Variants in PABPC4L observed in about 807,000 individuals in gnomAD.
PABPC4L encodes poly(A) binding protein cytoplasmic 4 like.
For synonymous variants in PABPC4L, 169 were observed against 164.1 expected, an observed-to-expected ratio of 1.03 and a Z score of -0.23; for missense variants, 452 against 451.4, an observed-to-expected ratio of 1.00 and a Z score of -0.01.
the PABPC4L span, among the ~76,000 whole-genome samples, chr4:134,079,075 G>T: frequency 2.8e-4 from 40 of 143,956 alleles, no homozygotes; most frequent in Non-Finnish European, 5.0e-4. Flanking sequence ...GTGTTCAAGC[G>T]ATTCTTCTGC....
At chr4:134,079,994 AT>A in the PABPC4L span, among the ~76,000 whole-genome samples, 12 of 151,986 alleles carry the variant, frequency 7.9e-5, no homozygotes, top group Admixed American at 2.6e-4. Context: ...TTTTATTTCT[AT>A]TTTTTTATTA....
the PABPC4L span, among the ~76,000 whole-genome samples, chr4:134,150,967 G>A: frequency 1.1e-4 from 17 of 152,226 alleles, no homozygotes; most frequent in African/African-American, 2.2e-4. Flanking sequence ...TACATGAACC[G>A]AAGTAAAACT....
the PABPC4L span, among the ~76,000 whole-genome samples, chr4:134,021,521 A>G: frequency 6.6e-6 from 1 of 152,152 alleles, no homozygotes; most frequent in African/African-American, 2.4e-5. Context: ...AGTAATTTTG[A>G]GAGGAGCTCC....
the PABPC4L span, among the ~76,000 whole-genome samples, chr4:134,032,241 A>G: frequency 6.6e-6 from 1 of 151,830 alleles, no homozygotes; most frequent in Non-Finnish European, 1.5e-5. Flanking sequence ...TAAAAATATA[A>G]TGTATGTTCC....
chr4:134,097,005 T>C, the PABPC4L span, among the ~76,000 whole-genome samples: 7 of 151,908 alleles, frequency 4.6e-5, no homozygotes, highest in African/African-American at 1.4e-4. Flanking sequence ...GGTGGGAAAA[T>C]CACCTCATGT....
At chr4:134,080,926 C>T in the PABPC4L span, among the ~76,000 whole-genome samples, 2 of 152,238 alleles carry the variant, frequency 1.3e-5, no homozygotes, top group African/African-American at 4.8e-5. Context: ...CTGACAACTT[C>T]TGCAAACAGA....
At chr4:134,164,541 A>T in the PABPC4L span, among the ~76,000 whole-genome samples, 2 of 152,154 alleles carry the variant, frequency 1.3e-5, no homozygotes, top group African/African-American at 4.8e-5. Flanking sequence ...CTGCAAAAAA[A>T]TTGAGATACC....
the PABPC4L span, among the ~76,000 whole-genome samples, chr4:133,968,247 G>A: frequency 1.8e-3 from 280 of 152,306 alleles, 1 homozygote; most frequent in African/African-American, 6.4e-3. Context: ...CCCTTGGAAA[G>A]TAGTGCATGT....
rs1729731030 is a variant in PABPC4L at position 134,198,354 on chromosome 4, A to C, written c.*1553T>G. The C allele has an allele frequency of 6.6e-6, 1 of 151,684 alleles. No homozygotes were observed. The highest frequency in any genetic ancestry group is 2.4e-5 in the African/African-American group (1 of 41,428). The allele number at this position is 151,684 out of a possible 1,614,324, so 9.4% of individuals were successfully genotyped here. ...TTCTTTTAATTTTTTCATTGTCCAT[A>C]ATTTTTTATGGACTAAAAGATTTTC... On this transcript the variant is annotated 3_prime_UTR_variant, in exon 2 of 2. Coordinates refer to ENST00000421491, the MANE Select transcript of PABPC4L (RefSeq NM_001114734.2).
chr4:134,063,948 A>T, the PABPC4L span, among the ~76,000 whole-genome samples: 1 of 152,050 alleles, frequency 6.6e-6, no homozygotes, highest in African/African-American at 2.4e-5. Flanking sequence ...ATCAGATATT[A>T]TAATCATATA....
chr4:134,015,469 T>G, the PABPC4L span, among the ~76,000 whole-genome samples: 1 of 152,272 alleles, frequency 6.6e-6, no homozygotes, highest in African/African-American at 2.4e-5. Flanking sequence ...CTCTCTTTGC[T>G]TTCACTTGGA....
chr4:134,075,088 T>C, the PABPC4L span, among the ~76,000 whole-genome samples: 3 of 152,216 alleles, frequency 2.0e-5, no homozygotes. Context: ...GCATTTCTTA[T>C]AATTGAATTA....
chr4:134,017,666 C>G, the PABPC4L span, among the ~76,000 whole-genome samples: 6 of 152,264 alleles, frequency 3.9e-5, no homozygotes, highest in East Asian at 1.2e-3. Flanking sequence ...ACCTTTAATA[C>G]CTGTTTTTCT....
the PABPC4L span, among the ~76,000 whole-genome samples, chr4:134,138,145 A>G: frequency 6.6e-6 from 1 of 151,848 alleles, no homozygotes; most frequent in East Asian, 1.9e-4. Flanking sequence ...AAAAAAAATC[A>G]GCTTTTAAAA....
At chr4:134,147,024 A>G in the PABPC4L span, among the ~76,000 whole-genome samples, 1 of 152,120 alleles carries the variant, frequency 6.6e-6, no homozygotes, top group African/African-American at 2.4e-5. Flanking sequence ...ATGTTAATCC[A>G]ATCAGTGAAG....
the PABPC4L span, among the ~76,000 whole-genome samples, chr4:134,077,913 A>T: frequency 6.6e-6 from 1 of 152,166 alleles, no homozygotes; most frequent in South Asian, 2.1e-4. Context: ...TACATAGAAC[A>T]TCAGCACCTA....
At chr4:134,102,814 A>G in the PABPC4L span, among the ~76,000 whole-genome samples, 2 of 151,546 alleles carry the variant, frequency 1.3e-5, no homozygotes, top group African/African-American at 4.8e-5. Context: ...ATTTTATATA[A>G]TTTCTATATA....
chr4:133,986,214 C>T, the PABPC4L span, among the ~76,000 whole-genome samples: 1 of 152,040 alleles, frequency 6.6e-6, no homozygotes, highest in African/African-American at 2.4e-5. Context: ...GTAGTGAAAA[C>T]TTATTGCCAT....
the PABPC4L span, among the ~76,000 whole-genome samples, chr4:134,155,066 C>T: frequency 6.6e-6 from 1 of 151,988 alleles, no homozygotes; most frequent in Non-Finnish European, 1.5e-5. Context: ...GCTGAAATGA[C>T]AATTCATATG....
Sources: gnomAD v4.1 joint callset for allele counts (sites outside exome capture counted in the v4.1 genomes callset) on GRCh38, gnomAD v4.1.1 for gene constraint, MANE v1.5 for transcripts, NCBI Gene and HGNC (gene_info 2026-07-23, HGNC 2026-07-21) for gene names.